Variants in SDC1 observed in about 807,000 individuals in gnomAD.
SDC1 encodes the protein syndecan 1, also known as syndecan-1.
In SDC1, 14 loss-of-function variants were observed where a neutral mutation model predicts 29.7. The ratio of observed to expected loss-of-function variants is 0.47; its 90% CI spans 0.31 to 0.74. The LOEUF is 0.74. Ranked by LOEUF, SDC1 falls within the 30% of genes least tolerant of loss-of-function variation. SDC1 has a pLI of 0.05. For synonymous variants in SDC1, 204 were observed against 175.5 expected, an observed-to-expected ratio of 1.16 and a Z score of -1.29; for missense variants, 406 against 400.3, an observed-to-expected ratio of 1.01 and a Z score of -0.12.
intron 1 of SDC1, among the ~76,000 whole-genome samples, chr2:20,223,978 C>G (rs368930692): frequency 6.6e-6 from 1 of 152,258 alleles, no homozygotes; most frequent in East Asian, 1.9e-4. Context: ...CTTCCCTCCG[C>G]GCGGCTTCAG....
chr2:20,217,550 G>A (rs1362211875), intron 1 of SDC1, among the ~76,000 whole-genome samples: 2 of 152,188 alleles, frequency 1.3e-5, no homozygotes, highest in South Asian at 2.1e-4. Context: ...TGGGTTCACT[G>A]AGACCAAGAG....
intron 1 of SDC1, 44 bp from the exon 2 acceptor site, chr2:20,205,468 G>T (rs375223576): frequency 5.9e-6 from 9 of 1,525,518 alleles, no homozygotes; most frequent in Non-Finnish European, 8.2e-6. Flanking sequence ...GCTTGGCCGG[G>T]TCTCTGCTGC....
At chr2:20,217,818 C>G (rs1196271262) in intron 1 of SDC1, among the ~76,000 whole-genome samples, 2 of 152,198 alleles carry the variant, frequency 1.3e-5, no homozygotes, top group Non-Finnish European at 2.9e-5. Flanking sequence ...TTCATTCCTG[C>G]TGCTGAGCGG....
intron 1 of SDC1, among the ~76,000 whole-genome samples, chr2:20,210,145 C>T (rs1033541713): frequency 6.6e-6 from 1 of 152,224 alleles, no homozygotes; most frequent in Non-Finnish European, 1.5e-5. Context: ...AATTCCAAAC[C>T]AGCCTGGCCA....
In SDC1 at chr2:20,200,857, G is replaced by A. The variant is rs1676978804; in HGVS notation, c.*1909C>T. On this transcript the variant is annotated 3_prime_UTR_variant, in exon 5 of 5. Transcript: ENST00000254351. ...CACAAATGAACCCAGCCTCTGGCTT[G>A]GGCACCGTCCCACGGACCAGCAGAT... The A allele has an allele frequency of 6.6e-6, 1 of 152,258 alleles. No homozygotes were observed. The highest frequency in any genetic ancestry group is 1.5e-5 in the Non-Finnish European group (1 of 68,076). 9.4% of individuals were successfully genotyped at this position (152,258 alleles called of 1,614,324 possible). A position where few individuals can be genotyped will look rare whatever the true frequency, so the allele number is the denominator to read the frequency against.
At chr2:20,205,557 T>C (rs1215958930) in intron 1 of SDC1, 133 bp from the exon 2 acceptor site, 4 of 698,236 alleles carry the variant, frequency 5.7e-6, no homozygotes, top group Non-Finnish European at 9.8e-6. Context: ...AGCCTTCTCA[T>C]GTGGCTCCAG....
chr2:20,208,185 G>A, intron 1 of SDC1: 1 of 925,964 alleles, frequency 1.1e-6, no homozygotes, highest in Admixed American at 6.2e-5. Context: ...CAACCTGGGA[G>A]ACACCGCCCA....
At chr2:20,219,709 C>T (rs1469892548) in intron 1 of SDC1, among the ~76,000 whole-genome samples, 1 of 152,242 alleles carries the variant, frequency 6.6e-6, no homozygotes, top group Non-Finnish European at 1.5e-5. Context: ...CCCTGAATCT[C>T]TCAGGGCCTC....
chr2:20,208,543 A>G (rs1677357846), intron 1 of SDC1, among the ~76,000 whole-genome samples: 1 of 152,198 alleles, frequency 6.6e-6, no homozygotes, highest in Non-Finnish European at 1.5e-5. Context: ...CTGAGGAGGA[A>G]ATTAGCAGAA....
chr2:20,205,110 C>T (rs1246889404), intron 2 of SDC1, among the ~76,000 whole-genome samples: 1 of 152,220 alleles, frequency 6.6e-6, no homozygotes, highest in Non-Finnish European at 1.5e-5. Flanking sequence ...GCCCTGGGGC[C>T]TTCTGGAGCT....
Position 20,224,922 on chromosome 2 carries a change from C to T in SDC1, c.-55G>A, listed in dbSNP as rs1374418900. 8.3e-7 allele frequency: 1 copy of T among 1,204,072 alleles called. No individual in the cohort carries two copies. 74.6% of individuals were successfully genotyped at this position (1,204,072 alleles called of 1,614,324 possible). ...AGGCTGCGCGGGTCGCGGCTGCGGG[C>T]CGGCTTCGCGGGTTCCGCTGCTCGA... On this transcript the variant is annotated 5_prime_UTR_variant, in exon 1 of 5. Transcript: ENST00000254351. The surrounding 1 kb of genome is among the most constrained non-coding windows in gnomAD (Gnocchi z 4.9).
At chr2:20,212,279 C>G (rs775214294) in intron 1 of SDC1, among the ~76,000 whole-genome samples, 5 of 152,186 alleles carry the variant, frequency 3.3e-5, no homozygotes, top group Non-Finnish European at 5.9e-5. Flanking sequence ...CCCTAAATTA[C>G]GGGGTGGTGC....
intron 1 of SDC1, among the ~76,000 whole-genome samples, chr2:20,216,483 C>A (rs904890728): frequency 6.6e-6 from 1 of 152,206 alleles, no homozygotes; most frequent in African/African-American, 2.4e-5. Flanking sequence ...CGCCCCACAA[C>A]CTCGGGCCCT....
In SDC1 at chr2:20,205,813, G is replaced by A. The variant is rs553337369; in HGVS notation, c.67-389C>T. On this transcript the variant is annotated intron_variant, in intron 1 of 4. Coordinates refer to ENST00000254351, the MANE Select transcript of SDC1 (RefSeq NM_002997.5). ...CACCCTACACTGTGAACCAGCTCTT[G>A]GGGGCCATCAGCCAGGGAGCTTTGG... Among the ~76,000 whole-genome samples the A allele has an allele frequency of 3.9e-5, 6 of 152,310 alleles. No homozygotes were observed. The East Asian group carries it at 7.7e-4, about 20-fold the overall frequency.
At chr2:20,210,201 C>T (rs563660214) in intron 1 of SDC1, among the ~76,000 whole-genome samples, 12 of 152,234 alleles carry the variant, frequency 7.9e-5, no homozygotes, top group East Asian at 1.9e-4. Flanking sequence ...ATTAGCTGGG[C>T]GTGGCGGTGT....
In SDC1 at chr2:20,202,487, G is replaced by A. The variant is rs940835425; in HGVS notation, c.*279C>T. 28 of 592,924 alleles carry A rather than the reference G, an allele frequency of 4.7e-5. No individual in the cohort carries two copies. In the Admixed American group the frequency reaches 5.3e-4, roughly 11 times the overall value. The allele number at this position is 592,924 out of a possible 1,614,324, so 36.7% of individuals were successfully genotyped here. On this transcript the variant is annotated 3_prime_UTR_variant, in exon 5 of 5. Transcript: ENST00000254351. ...ACCTGGGGAGAGGCTGCTTCAGTTT[G>A]GAGAAACCGAGTCAGAATGGTGCGA...
chr2:20,202,915 C>T lies in SDC1; in HGVS notation c.784G>A (p.Val262Met), dbSNP rs774614953. Residue 262 changes from valine (V) to methionine (M), a missense_variant, in exon 5 of 5, where the codon GTG (valine) becomes ATG (methionine). Transcript: ENST00000254351. ...AGGCACACAGCAAAGATGAGCCCCA[C>T]GAGGCCTCCGGCAATGACCCCTAGG... Reference protein sequence around the residue: ...VLGGVIAGGLVGLIFAVCLVG... With the variant: ...VLGGVIAGGLMGLIFAVCLVG... 3.3e-5 allele frequency: 54 copies of T among 1,612,082 alleles called. No homozygotes were observed. The highest frequency in any genetic ancestry group is 4.2e-5 in the Non-Finnish European group (49 of 1,179,134).
chr2:20,218,526 CA>C, intron 1 of SDC1, among the ~76,000 whole-genome samples: 1 of 146,724 alleles, frequency 6.8e-6, no homozygotes, highest in East Asian at 1.9e-4. Flanking sequence ...ACCACACACA[CA>C]GACACACACA....
At chr2:20,215,240 G>A (rs1277283110) in intron 1 of SDC1, among the ~76,000 whole-genome samples, 1 of 152,250 alleles carries the variant, frequency 6.6e-6, no homozygotes, top group Non-Finnish European at 1.5e-5. Context: ...ATTGCTAGGG[G>A]TCCTGCCCAG....
Sources: allele counts gnomAD v4.1 joint callset (sites outside exome capture counted in the v4.1 genomes callset), GRCh38; gene constraint gnomAD v4.1.1; non-coding constraint Gnocchi (gnomAD v3.1); transcripts MANE v1.5; gene names NCBI Gene and HGNC (gene_info 2026-07-23, HGNC 2026-07-21).